The following SLC17A5 variants were observed in gnomAD, a reference collection of about 807,000 sequenced individuals.
The protein encoded by SLC17A5 is sialin.
A neutral mutation model predicts 59.4 loss-of-function variants in SLC17A5; 47 were observed. That is an observed-to-expected ratio of 0.79 (90% CI 0.63 to 1.01). The LOEUF (loss-of-function observed/expected upper bound fraction) is 1.01. Ranked by LOEUF, SLC17A5 falls within the 50% of genes least tolerant of loss-of-function variation. The pLI, the probability that SLC17A5 is intolerant of heterozygous loss-of-function variation, is 0.00. For synonymous variants in SLC17A5, 202 were observed against 210.7 expected, an observed-to-expected ratio of 0.96 and a Z score of 0.36; for missense variants, 522 against 595.5, an observed-to-expected ratio of 0.88 and a Z score of 1.28.
rs1768174567 is a variant in SLC17A5 at position 73,621,952 on chromosome 6, T to G, written c.830A>C (p.Gln277Pro). 1 of 1,614,002 alleles carries G rather than the reference T, an allele frequency of 6.2e-7. No individual in the cohort carries two copies. The highest frequency in any genetic ancestry group is 8.5e-7 in the Non-Finnish European group (1 of 1,179,946). The change falls in exon 7 of 11, where the codon CAG becomes CCG. Residue 277 changes from glutamine (Q) to proline (P), a missense_variant. By Grantham distance (76) the Gln-to-Pro change is moderately conservative (BLOSUM62 -1). Around this residue, in one of 3 missense-constraint regions of SLC17A5, gnomAD observed 338 missense variants for 363.8 expected, o/e 0.93. Coordinates refer to ENST00000355773, the MANE Select transcript of SLC17A5 (RefSeq NM_012434.5). ...LSSLRNQLSS[Q>P]KSVPWVPILK... ...AATGGGTACCCACGGCACTGACTTC[T>G]GTGAAGAAAGCTGAAGAAAACAGGA...
At chr6:73,606,469 A>G (rs1311781255) in intron 9 of SLC17A5, among the ~76,000 whole-genome samples, 1 of 152,194 alleles carries the variant, frequency 6.6e-6, no homozygotes, top group Non-Finnish European at 1.5e-5. Flanking sequence ...GGCATCATTT[A>G]TGTTACTAAA....
intron 8 of SLC17A5, among the ~76,000 whole-genome samples, chr6:73,613,201 G>A (rs915217745): frequency 1.3e-5 from 2 of 152,106 alleles, no homozygotes; most frequent in African/African-American, 4.8e-5. Context: ...AAAAGGGATG[G>A]AGGCTTAAAA....
chr6:73,601,173 T>G (rs1767058168), intron 9 of SLC17A5, among the ~76,000 whole-genome samples: 1 of 130,920 alleles, frequency 7.6e-6, no homozygotes, highest in Non-Finnish European at 1.6e-5. Context: ...GTCTGAGATG[T>G]GGGGAGCGCC....
intron 10 of SLC17A5, 86 bp downstream of exon 10, chr6:73,600,265 T>G: frequency 2.9e-6 from 3 of 1,039,630 alleles, no homozygotes; most frequent in South Asian, 2.7e-5. Flanking sequence ...CATTTAGAAT[T>G]TTAAACTTAA....
intron 10 of SLC17A5, among the ~76,000 whole-genome samples, chr6:73,598,056 GC>G (rs1178297356): frequency 6.6e-6 from 1 of 152,162 alleles, no homozygotes; most frequent in African/African-American, 2.4e-5. Context: ...GTTTGAAACA[GC>G]TTCTTAGGAT....
chr6:73,636,302 T>C (rs958977072), intron 5 of SLC17A5, among the ~76,000 whole-genome samples: 1 of 146,462 alleles, frequency 6.8e-6, no homozygotes, highest in Admixed American at 6.8e-5. Flanking sequence ...AAAAAAAACA[T>C]TAAAACTACC....
At chr6:73,611,918 G>A (rs1767654550) in intron 8 of SLC17A5, among the ~76,000 whole-genome samples, 1 of 150,912 alleles carries the variant, frequency 6.6e-6, no homozygotes, top group African/African-American at 2.4e-5. Context: ...CTGCAGCCTT[G>A]ACTTCCCAGG....
At chr6:73,613,426 C>T (rs368041025) in intron 8 of SLC17A5, among the ~76,000 whole-genome samples, 13 of 151,810 alleles carry the variant, frequency 8.6e-5, no homozygotes, top group African/African-American at 1.7e-4. Context: ...AGTGCAGTGG[C>T]GCGATTTCAG....
intron 1 of SLC17A5, among the ~76,000 whole-genome samples, chr6:73,650,211 A>C (rs1372703688): frequency 1.2e-5 from 1 of 85,144 alleles, no homozygotes; most frequent in Non-Finnish European, 2.7e-5. Flanking sequence ...AAAAAAAAAA[A>C]AAAAGAAAGA....
At chr6:73,595,541 GT>G (rs1221540758) in intron 10 of SLC17A5, among the ~76,000 whole-genome samples, 2 of 152,102 alleles carry the variant, frequency 1.3e-5, no homozygotes, top group Non-Finnish European at 2.9e-5. Flanking sequence ...GGGGTTAAAA[GT>G]TGGGAGAGTG....
At chr6:73,619,359 T>C (rs1012732456) in intron 7 of SLC17A5, among the ~76,000 whole-genome samples, 1 of 134,508 alleles carries the variant, frequency 7.4e-6, no homozygotes, top group Non-Finnish European at 1.5e-5. Context: ...AAAGGAGGCA[T>C]GCCACGCTTC....
chr6:73,646,033 G>A (rs181467658), intron 1 of SLC17A5, among the ~76,000 whole-genome samples: 1 of 152,212 alleles, frequency 6.6e-6, no homozygotes, highest in East Asian at 1.9e-4. Flanking sequence ...ACATCTTTAA[G>A]TTTAGTAAAC....
chr6:73,597,802 A>G (rs549607130), intron 10 of SLC17A5, among the ~76,000 whole-genome samples: 1 of 152,146 alleles, frequency 6.6e-6, no homozygotes, highest in East Asian at 1.9e-4. Flanking sequence ...GAAACAAACA[A>G]ACAAACAAAA....
At chr6:73,641,953 T>C in intron 2 of SLC17A5, 29 bp from the exon 3 acceptor site, 1 of 1,570,954 alleles carries the variant, frequency 6.4e-7, no homozygotes, top group Non-Finnish European at 8.8e-7. Context: ...AATAAAACAA[T>C]CCTTTAAGAC....
chr6:73,633,477 C>T (rs1768859176), intron 6 of SLC17A5, among the ~76,000 whole-genome samples: 2 of 151,928 alleles, frequency 1.3e-5, no homozygotes, highest in South Asian at 4.2e-4. Flanking sequence ...AGAAAACTGC[C>T]TGCCTTAGCC....
chr6:73,631,701 G>C (rs922452228), intron 6 of SLC17A5, among the ~76,000 whole-genome samples: 6 of 151,824 alleles, frequency 4.0e-5, no homozygotes, highest in Non-Finnish European at 8.8e-5. Flanking sequence ...CACCTTCTCT[G>C]TTCCAAAGAT....
intron 8 of SLC17A5, among the ~76,000 whole-genome samples, chr6:73,614,538 T>A (rs1767770564): frequency 6.6e-6 from 1 of 152,210 alleles, no homozygotes; most frequent in South Asian, 2.1e-4. Context: ...AGACAATTGG[T>A]GGCTGGGGGT....
chr6:73,623,515 G>A (rs1483998878), intron 6 of SLC17A5, among the ~76,000 whole-genome samples: 7 of 151,468 alleles, frequency 4.6e-5, no homozygotes, highest in South Asian at 2.1e-4. Flanking sequence ...TTGTATTTTA[G>A]TAAAGGCGGG....
intron 1 of SLC17A5, among the ~76,000 whole-genome samples, chr6:73,649,695 G>A (rs1191344220): frequency 6.6e-6 from 1 of 152,198 alleles, no homozygotes; most frequent in Non-Finnish European, 1.5e-5. Context: ...GATTCACTGA[G>A]TTAGTAATGT....
Sources: allele counts gnomAD v4.1 joint callset (sites outside exome capture counted in the v4.1 genomes callset), GRCh38; gene constraint gnomAD v4.1.1; regional missense constraint gnomAD v4.1.1; transcripts MANE v1.5; gene names NCBI Gene and HGNC (gene_info 2026-07-23, HGNC 2026-07-21).